The following TAPT1 variants were observed in gnomAD, a reference collection of about 807,000 sequenced individuals.
The protein encoded by TAPT1 is transmembrane anterior posterior transformation protein 1 homolog.
A neutral mutation model predicts 65.6 loss-of-function variants in TAPT1; 28 were observed. The ratio of observed to expected loss-of-function variants is 0.43; its 90% CI spans 0.32 to 0.59. The LOEUF is 0.59. Ranked by LOEUF, TAPT1 falls within the 20% of genes least tolerant of loss-of-function variation. TAPT1 has a pLI of 0.09. For missense variants in TAPT1, 563 were observed against 679.9 expected, an observed-to-expected ratio of 0.83 and a Z score of 1.91; for synonymous variants, 278 against 245.2, an observed-to-expected ratio of 1.13 and a Z score of -1.25.
chr4:16,196,562 C>A, intron 3 of TAPT1: 1 of 498,186 alleles, frequency 2.0e-6, no homozygotes, highest in Admixed American at 2.5e-5. Flanking sequence ...ATGTTTCTAC[C>A]CCCTAATGGC....
intron 8 of TAPT1, among the ~76,000 whole-genome samples, chr4:16,178,056 A>C (rs1451995314): frequency 5.9e-5 from 9 of 152,356 alleles, no homozygotes; most frequent in Non-Finnish European, 4.4e-5. Context: ...TTAACCACTC[A>C]GCTTTGGGAA....
rs374398221 is a variant in TAPT1, at chr4:16,186,796, G to A, written c.831C>T (p.Ile277=). 1.5e-4 allele frequency: 248 copies of A among 1,602,996 alleles called. No individual in the cohort carries two copies. Among genetic ancestry groups the A allele is most frequent in the Non-Finnish European group, 2.1e-4 (241 of 1,170,588 alleles). The part of the protein sequence containing the change: ...FNSHNKSLLT[I]MMSNNFVEIK... ...TCATACTTACATTATTAGACATCATGATAGTAAGCAAAGACTTGTTGTGTG... is the reference window on the plus strand; with the variant it reads ...TCATACTTACATTATTAGACATCATAATAGTAAGCAAAGACTTGTTGTGTG... The change falls in exon 6 of 14, where the codon ATC becomes ATT. Residue 277 remains isoleucine, a synonymous_variant. Transcript: ENST00000405303.
At chr4:16,170,474 C>T (rs777801819) in intron 12 of TAPT1, among the ~76,000 whole-genome samples, 179 bp downstream of exon 12, 12 of 152,148 alleles carry the variant, frequency 7.9e-5, no homozygotes, top group Non-Finnish European at 1.8e-4. Context: ...ATACTACTAC[C>T]AAATAGCAGC....
intron 1 of TAPT1, among the ~76,000 whole-genome samples, chr4:16,222,172 C>A (rs1751291079): frequency 1.3e-5 from 2 of 152,136 alleles, no homozygotes; most frequent in African/African-American, 4.8e-5. Flanking sequence ...TGCAAGTAGT[C>A]CCCAAATTGG....
intron 11 of TAPT1, among the ~76,000 whole-genome samples, chr4:16,171,488 G>A (rs1192414147): frequency 3.3e-5 from 5 of 152,000 alleles, no homozygotes; most frequent in African/African-American, 4.8e-5. Context: ...TAGAGAATTA[G>A]GGAGAAGTCG....
At chr4:16,187,197 A>G (rs972175447) in intron 5 of TAPT1, among the ~76,000 whole-genome samples, 13 of 152,178 alleles carry the variant, frequency 8.5e-5, no homozygotes, top group African/African-American at 3.1e-4. Context: ...TAGGCCCTCA[A>G]AAAAGTTTGT....
intron 3 of TAPT1, among the ~76,000 whole-genome samples, chr4:16,194,560 C>CT (rs1196067104): frequency 6.6e-6 from 1 of 152,156 alleles, no homozygotes; most frequent in Non-Finnish European, 1.5e-5. Flanking sequence ...ACACTGGATA[C>CT]TTTATCACTG....
intron 8 of TAPT1, among the ~76,000 whole-genome samples, chr4:16,178,627 C>G (rs939854055): frequency 6.6e-6 from 1 of 152,114 alleles, no homozygotes; most frequent in Non-Finnish European, 1.5e-5. Context: ...CTACAAATGT[C>G]GTAGTATTTT....
chr4:16,226,467 A>C lies in TAPT1; in HGVS notation c.-10T>G. The C allele has an allele frequency of 9.5e-7, 1 of 1,055,916 alleles. No homozygotes were observed. 65.4% of individuals were successfully genotyped at this position (1,055,916 alleles called of 1,614,324 possible). On this transcript the variant is annotated 5_prime_UTR_variant, in exon 1 of 14. Coordinates refer to ENST00000405303, the MANE Select transcript of TAPT1 (RefSeq NM_153365.3). The stretch of plus-strand genomic sequence containing the variant: ...CGCCGACGCCCGCCATGTTCCGAGC[A>C]CAACAAACTGTCCCCGCCGCCTCCC...
intron 1 of TAPT1, among the ~76,000 whole-genome samples, chr4:16,217,322 A>G (rs1750996895): frequency 1.3e-5 from 2 of 152,246 alleles, no homozygotes; most frequent in Admixed American, 6.5e-5. Context: ...TACAGGTCAG[A>G]GGAGAAGAAG....
intron 11 of TAPT1, among the ~76,000 whole-genome samples, chr4:16,173,270 G>A (rs547123250): frequency 1.3e-5 from 2 of 151,912 alleles, no homozygotes; most frequent in South Asian, 4.2e-4. Flanking sequence ...TAAACAAATC[G>A]TCTTAATTAA....
At chr4:16,213,541 A>C (rs1053506839) in intron 2 of TAPT1, among the ~76,000 whole-genome samples, 1 of 152,234 alleles carries the variant, frequency 6.6e-6, no homozygotes, top group Non-Finnish European at 1.5e-5. Flanking sequence ...TGATAATGAT[A>C]GGCAGAAAAG....
intron 1 of TAPT1, among the ~76,000 whole-genome samples, chr4:16,222,877 T>C (rs959833655): frequency 2.6e-5 from 4 of 152,206 alleles, no homozygotes; most frequent in Admixed American, 6.5e-5. Flanking sequence ...AATGGGTCCA[T>C]GGCACTGTTA....
Position 16,163,404 on chromosome 4 carries a change from G to A in TAPT1, c.1608C>T (p.Asp536=). Residue 536 remains aspartate (D), a synonymous_variant, in exon 14 of 14, where the codon GAC becomes GAT. Coordinates refer to ENST00000405303, the MANE Select transcript of TAPT1 (RefSeq NM_153365.3). ...TTAATTCAGAATTGTCCTGCGTTAT[G>A]TCCTTCTCGTCACCATCTGGAGTTG... ...FLTTPDGDEK[D]ITQDNSELKH... 6.2e-7 allele frequency: 1 copy of A among 1,613,882 alleles called. No individual in the cohort carries two copies. Among genetic ancestry groups the A allele is most frequent in the East Asian group, 2.2e-5 (1 of 44,876 alleles).
chr4:16,176,256 A>G, intron 8 of TAPT1, 28 bp from the exon 9 acceptor site: 1 of 1,191,790 alleles, frequency 8.4e-7, no homozygotes, highest in Non-Finnish European at 1.2e-6. Flanking sequence ...AAAAACAACG[A>G]AATATCTTAA....
At chr4:16,199,765 A>G (rs1040625209) in intron 3 of TAPT1, among the ~76,000 whole-genome samples, 2 of 151,950 alleles carry the variant, frequency 1.3e-5, no homozygotes, top group Admixed American at 6.6e-5. Flanking sequence ...CTAATTTTTT[A>G]TTTTTTGTAG....
chr4:16,198,443 A>G (rs1384534963), intron 3 of TAPT1, among the ~76,000 whole-genome samples: 4 of 152,222 alleles, frequency 2.6e-5, no homozygotes, highest in African/African-American at 9.6e-5. Context: ...TCACGTCAGC[A>G]TTGTGATTAA....
At chr4:16,174,378 G>A in intron 10 of TAPT1, 106 bp from the exon 11 acceptor site, 1 of 1,001,018 alleles carries the variant, frequency 1.0e-6, no homozygotes, top group Non-Finnish European at 1.5e-6. Flanking sequence ...GTGAGGCTAT[G>A]GAGCAAGAAC....
rs143609929 is a variant in TAPT1, at chr4:16,184,207, ATTCCTATCATCATAAACGAATT to A, written c.916+2306_916+2327del. Among the ~76,000 whole-genome samples, 671 of 152,304 alleles carry A rather than the reference ATTCCTATCATCATAAACGAATT, an allele frequency of 4.4e-3. 1 individual carries two copies. Among genetic ancestry groups the A allele is most frequent in the African/African-American group, 0.014 (598 of 41,562 alleles). The stretch of plus-strand genomic sequence containing the variant: ...CCAAATGCCCAACAAACAACCTCTT[ATTCCTATCATCATAAACGAATT>A]TTGTCTGATCATAAACTTCATATAA... On this transcript the variant is annotated intron_variant, in intron 7 of 13. Coordinates refer to ENST00000405303, the MANE Select transcript of TAPT1 (RefSeq NM_153365.3).
Sources: allele counts gnomAD v4.1 joint callset (sites outside exome capture counted in the v4.1 genomes callset), GRCh38; gene constraint gnomAD v4.1.1; transcripts MANE v1.5; gene names NCBI Gene and HGNC (gene_info 2026-07-23, HGNC 2026-07-21).